Variants in SORL1 observed in about 807,000 individuals in gnomAD.
The protein encoded by SORL1 is sortilin-related receptor.
SORL1 carries 127 observed loss-of-function variants against 273.7 expected under a neutral mutation model. That is an observed-to-expected ratio of 0.46 (90% CI 0.40 to 0.54). The LOEUF (loss-of-function observed/expected upper bound fraction) is 0.54, where lower values mean the gene tolerates loss of function less well. Among genes scored for constraint, SORL1 ranks in the 20% least tolerant of loss-of-function variants. The pLI is 0.00. For synonymous variants in SORL1, 1,031 were observed against 1,067.4 expected, an observed-to-expected ratio of 0.97 and a Z score of 0.66; for missense variants, 2,494 against 2,846.1, an observed-to-expected ratio of 0.88 and a Z score of 2.81.
chr11:121,470,275 A>T, intron 2 of SORL1, 152 bp downstream of exon 2: 1 of 706,656 alleles, frequency 1.4e-6, no homozygotes, highest in Non-Finnish European at 2.6e-6. Context: ...AAAATGATAT[A>T]TCCCTTGTTT....
At chr11:121,559,478 A>G in intron 20 of SORL1, 41 bp from the exon 21 acceptor site, 1 of 1,594,146 alleles carries the variant, frequency 6.3e-7, no homozygotes, top group Non-Finnish European at 8.5e-7. Context: ...CAGAATAAAG[A>G]ACGAAAGAGC....
intron 26 of SORL1, among the ~76,000 whole-genome samples, chr11:121,585,629 C>G (rs756199068): frequency 2.0e-5 from 3 of 152,138 alleles, no homozygotes; most frequent in Non-Finnish European, 4.4e-5. Context: ...CCAGTTCCCA[C>G]TTTTTCCTAA....
intron 14 of SORL1, among the ~76,000 whole-genome samples, chr11:121,547,344 T>A (rs1862443048): frequency 7.0e-6 from 1 of 142,440 alleles, no homozygotes; most frequent in Non-Finnish European, 1.5e-5. Flanking sequence ...TTTTTTTTTT[T>A]TCATGACATT....
intron 5 of SORL1, among the ~76,000 whole-genome samples, chr11:121,495,255 A>G (rs567737017): frequency 6.6e-6 from 1 of 151,690 alleles, no homozygotes; most frequent in East Asian, 1.9e-4. Context: ...AATTTTTTTA[A>G]ATTTATTTTT....
At chr11:121,574,010 G>A (rs533943696) in intron 23 of SORL1, among the ~76,000 whole-genome samples, 39 of 152,196 alleles carry the variant, frequency 2.6e-4, no homozygotes, top group South Asian at 1.5e-3. Flanking sequence ...ACTTTTCCCC[G>A]TCCTGTTCCG....
intron 6 of SORL1, among the ~76,000 whole-genome samples, chr11:121,504,147 C>G (rs1479600595): frequency 2.6e-5 from 4 of 152,168 alleles, no homozygotes; most frequent in African/African-American, 9.7e-5. Context: ...GGCGCGGTGG[C>G]TCACGCCTGT....
Position 121,589,902 on chromosome 11 carries a change from T to C in SORL1, c.4079-138T>C, listed in dbSNP as rs1330269614. On this transcript the variant is annotated intron_variant, in intron 29 of 47. Transcript: ENST00000260197. ...TATTTTTTGTTCCCCATTGGGTCCA[T>C]GAAGCTGCCTTATCTCTTTATGGGT... 44 of 994,712 alleles carry C rather than the reference T, an allele frequency of 4.4e-5. 1 individual carries two copies. Among genetic ancestry groups the C allele is most frequent in the Non-Finnish European group, 6.5e-5 (43 of 662,614 alleles). 61.6% of individuals were successfully genotyped at this position (994,712 alleles called of 1,614,324 possible).
At chr11:121,580,373 C>G (rs954441897) in intron 25 of SORL1, among the ~76,000 whole-genome samples, 8 of 152,266 alleles carry the variant, frequency 5.3e-5, no homozygotes, top group Admixed American at 3.3e-4. Context: ...GATTTATCTT[C>G]CAGTTCAACA....
rs11218348 is a variant in SORL1, at chr11:121,576,884, A to C, written c.3461-397A>C. Reference sequence around the variant, plus strand: ...CTCGGCACTCCTTTTCTCAAACCACAGGCTGTGTCTGTAGGAGTCCTCTGT... The same window carrying C: ...CTCGGCACTCCTTTTCTCAAACCACCGGCTGTGTCTGTAGGAGTCCTCTGT... On this transcript the variant is annotated intron_variant, in intron 24 of 47. Coordinates refer to ENST00000260197, the MANE Select transcript of SORL1 (RefSeq NM_003105.6). 6.5e-3 allele frequency: 9,995 copies of C among 1,535,574 alleles called. 521 individuals are homozygous for C. In the African/African-American group the frequency reaches 0.12, roughly 18 times the overall value.
At chr11:121,494,206 T>C (rs1439918117) in intron 5 of SORL1, among the ~76,000 whole-genome samples, 1 of 152,208 alleles carries the variant, frequency 6.6e-6, no homozygotes, top group African/African-American at 2.4e-5. Flanking sequence ...TGTGTAGATA[T>C]ACAGATATCC....
chr11:121,570,081 A>G lies in SORL1; in HGVS notation c.3224-76A>G, dbSNP rs751296805. ...TAGTTACTAAAGGGAGGGAAACTCA[A>G]AAGAGAAAGACCTGTGGTCCAGCAG... On this transcript the variant is annotated intron_variant, in intron 22 of 47. Transcript: ENST00000260197. The G allele has an allele frequency of 6.0e-5, 57 of 946,886 alleles. 1 individual carries two copies. Among genetic ancestry groups the G allele is most frequent in the Non-Finnish European group, 8.6e-5 (53 of 617,586 alleles). 58.7% of individuals were successfully genotyped at this position (946,886 alleles called of 1,614,324 possible).
At position 121,513,749 on chromosome 11, in the gene SORL1, C is replaced by T. The variant is rs150899320; in HGVS notation, c.1042-403C>T. Among the ~76,000 whole-genome samples, 223 of 152,244 alleles carry T rather than the reference C, an allele frequency of 1.5e-3. 1 individual carries two copies. Among genetic ancestry groups the T allele is most frequent in the African/African-American group, 5.1e-3 (210 of 41,562 alleles). ...TCATACGGAGAACAGTCATGCCAGT[C>T]CTTTGCTAGTTTCTATGGATTCTGC... On this transcript the variant is annotated intron_variant, in intron 7 of 47. Transcript: ENST00000260197.
intron 2 of SORL1, among the ~76,000 whole-genome samples, chr11:121,471,882 C>T (rs1861174973): frequency 6.6e-6 from 1 of 152,172 alleles, no homozygotes; most frequent in Non-Finnish European, 1.5e-5. Context: ...GTGTAGTGCT[C>T]TGGGGCAGGG....
At chr11:121,599,294 C>G (rs771048615) in intron 32 of SORL1, among the ~76,000 whole-genome samples, 40 of 152,176 alleles carry the variant, frequency 2.6e-4, no homozygotes, top group Non-Finnish European at 5.1e-4. Flanking sequence ...CCTGTAATCC[C>G]AGCACTTTGG....
intron 32 of SORL1, among the ~76,000 whole-genome samples, chr11:121,601,420 G>A (rs1863389706): frequency 6.7e-6 from 1 of 150,304 alleles, no homozygotes; most frequent in South Asian, 2.1e-4. Flanking sequence ...CCAGTAATGG[G>A]ATGGCTGGGT....
Position 121,605,169 on chromosome 11 carries a change from G to T in SORL1, c.4708G>T (p.Asp1570Tyr). Residue 1570 changes from aspartate to tyrosine, a missense_variant, in exon 34 of 48, where the codon GAT (aspartate) becomes TAT (tyrosine). Around this residue, in one of 3 missense-constraint regions of SORL1, gnomAD observed 1,609 missense variants for 1,816.4 expected, o/e 0.89. Coordinates refer to ENST00000260197, the MANE Select transcript of SORL1 (RefSeq NM_003105.6). ...NLQWTADFSG[D>Y]VTLTWMRPKK... The stretch of plus-strand genomic sequence containing the variant: ...TCAGTGGACAGCTGACTTCTCTGGG[G>T]ATGTGACTTTGACCTGGATGAGGCC... 1 of 1,613,604 alleles carries T rather than the reference G, an allele frequency of 6.2e-7. No individual in the cohort carries two copies. Among genetic ancestry groups the T allele is most frequent in the Non-Finnish European group, 8.5e-7 (1 of 1,179,546 alleles).
rs753734042 is a variant in SORL1, at chr11:121,549,986, AT to A, written c.2081del (p.Leu694CysfsTer3). 3.7e-6 allele frequency: 6 copies of A among 1,613,574 alleles called. No homozygotes were observed. The South Asian group carries it at 6.6e-5, about 18-fold the overall frequency. The part of the protein sequence containing the change: ...ECDFGFKMSE[D>X]LSLEVCVPDP... ...GACTTCGGTTTCAAGATGAGTGAAG[AT>A]TTGTCATTAGAGGTTTGTGTTCCAG... is the stretch of plus-strand genomic sequence containing the variant. On this transcript the variant is annotated frameshift_variant, in exon 15 of 48. Transcript: ENST00000260197. LOFTEE classifies it high-confidence loss of function.
chr11:121,524,593 A>G (rs1862091490), intron 11 of SORL1, among the ~76,000 whole-genome samples: 1 of 152,230 alleles, frequency 6.6e-6, no homozygotes, highest in Admixed American at 6.5e-5. Context: ...GTGGTGGCAG[A>G]GGAAGAGGCT....
chr11:121,503,111 C>T (rs567486406), intron 6 of SORL1, among the ~76,000 whole-genome samples: 1 of 152,218 alleles, frequency 6.6e-6, no homozygotes, highest in East Asian at 1.9e-4. Flanking sequence ...CTCAAGCAGT[C>T]CTCCCACCTT....
Sources: gnomAD v4.1 joint callset for allele counts (sites outside exome capture counted in the v4.1 genomes callset) on GRCh38, gnomAD v4.1.1 for gene constraint, gnomAD v4.1.1 regional missense constraint, MANE v1.5 for transcripts, NCBI Gene and HGNC (gene_info 2026-07-23, HGNC 2026-07-21) for gene names.